Variants in CAST observed in about 807,000 individuals in gnomAD.
CAST encodes the protein calpastatin.
Under a neutral mutation model 119.6 loss-of-function variants are expected in CAST, and 76 were observed. The observed-to-expected ratio is 0.64, with a 90% confidence interval of 0.53 to 0.77. The LOEUF (loss-of-function observed/expected upper bound fraction) is 0.77. Ranked by LOEUF, CAST falls within the 30% of genes least tolerant of loss-of-function variation. CAST has a pLI of 0.00. For missense variants in CAST, 953 were observed against 946.5 expected (o/e 1.01, Z -0.09); for synonymous variants, 319 against 331.6 (o/e 0.96, Z 0.41).
chr5:95,973,532 T>G, the CAST span: 2 of 152,228 alleles, frequency 1.3e-5, no homozygotes, highest in Non-Finnish European at 2.9e-5. Flanking sequence ...GTGAGATACG[T>G]GTCTGGGGTG....
Position 96,730,771 on chromosome 5 carries a change from C to G in CAST, c.550-9C>G. The G allele has an allele frequency of 6.2e-7, 1 of 1,606,786 alleles. No homozygotes were observed. Among genetic ancestry groups the G allele is most frequent in the Non-Finnish European group, 8.5e-7 (1 of 1,173,244 alleles). ...TAGCTCTGTCAACCTTTTATCCTCA[C>G]TGTCTTAGACTAAACCACAAGACAT... On this transcript the variant is annotated splice_polypyrimidine_tract_variant and intron_variant, in intron 8 of 31. Coordinates refer to ENST00000675179, the MANE Select transcript of CAST (RefSeq NM_001750.7).
At chr5:96,697,301 T>C (rs1332498237) in intron 3 of CAST, among the ~76,000 whole-genome samples, 2 of 152,224 alleles carry the variant, frequency 1.3e-5, no homozygotes, top group Non-Finnish European at 2.9e-5. Context: ...GCTTTTTTTT[T>C]TCTTTAAAAC....
the CAST span, among the ~76,000 whole-genome samples, chr5:96,082,604 A>C: frequency 6.6e-6 from 1 of 152,348 alleles, no homozygotes; most frequent in East Asian, 1.9e-4. Context: ...TACTGCTTCC[A>C]AAATGAAAAG....
At chr5:96,323,581 C>T in the CAST span, among the ~76,000 whole-genome samples, 1 of 152,040 alleles carries the variant, frequency 6.6e-6, no homozygotes, top group Non-Finnish European at 1.5e-5. Context: ...CCATATTTTT[C>T]TTTTTAATTT....
chr5:96,617,402 C>A (rs1286527996), intron 1 of CAST, among the ~76,000 whole-genome samples: 2 of 152,042 alleles, frequency 1.3e-5, no homozygotes, highest in African/African-American at 4.8e-5. Flanking sequence ...TACTAAAGGA[C>A]AAGCTAAAAA....
the CAST span, among the ~76,000 whole-genome samples, chr5:96,467,670 A>T: frequency 6.6e-6 from 1 of 152,020 alleles, no homozygotes; most frequent in Admixed American, 6.6e-5. Context: ...GTATCTTTTT[A>T]AAAAATCTGT....
chr5:96,479,415 A>G, the CAST span, among the ~76,000 whole-genome samples: 2 of 151,860 alleles, frequency 1.3e-5, no homozygotes, highest in Admixed American at 6.6e-5. Flanking sequence ...CATTCAAAAA[A>G]TATCTAGTGA....
chr5:96,559,296 T>A (rs1002859165), intron 1 of CAST, among the ~76,000 whole-genome samples: 6 of 152,022 alleles, frequency 3.9e-5, no homozygotes, highest in South Asian at 4.1e-4. Flanking sequence ...GAAAACTGGC[T>A]AAAGACAGGG....
At chr5:96,145,123 C>T in the CAST span, among the ~76,000 whole-genome samples, 1 of 152,170 alleles carries the variant, frequency 6.6e-6, no homozygotes, top group Non-Finnish European at 1.5e-5. Flanking sequence ...GAACATCAAC[C>T]TGCCCAAGCT....
the CAST span, chr5:96,412,929 A>G: frequency 1.0e-6 from 1 of 957,112 alleles, no homozygotes. Context: ...ACCAGCTTTC[A>G]GAAAGACCCT....
chr5:96,616,338 GC>G (rs1747455015), intron 1 of CAST, among the ~76,000 whole-genome samples: 1 of 152,092 alleles, frequency 6.6e-6, no homozygotes, highest in South Asian at 2.1e-4. Flanking sequence ...TCCTAAGGGA[GC>G]CCCTCCCTTA....
the CAST span, among the ~76,000 whole-genome samples, chr5:96,359,659 C>T: frequency 6.6e-6 from 1 of 152,246 alleles, no homozygotes; most frequent in Non-Finnish European, 1.5e-5. Flanking sequence ...TGAATATTGG[C>T]CCCCATTCTA....
the CAST span, among the ~76,000 whole-genome samples, chr5:96,033,057 A>C: frequency 6.6e-6 from 1 of 152,130 alleles, no homozygotes; most frequent in South Asian, 2.1e-4. Context: ...GAAATGAAGA[A>C]AACTATCCCA....
At chr5:96,188,199 A>G in the CAST span, among the ~76,000 whole-genome samples, 8 of 152,204 alleles carry the variant, frequency 5.3e-5, no homozygotes, top group African/African-American at 1.7e-4. Flanking sequence ...CTATAGAAAG[A>G]TTAGTTTATA....
the CAST span, among the ~76,000 whole-genome samples, chr5:96,072,541 A>T: frequency 3.9e-5 from 6 of 152,202 alleles, no homozygotes; most frequent in Admixed American, 2.0e-4. Context: ...TGTCTCTTTA[A>T]ACTCTGTTTT....
intron 1 of CAST, among the ~76,000 whole-genome samples, chr5:96,643,717 A>G (rs1222916955): frequency 6.6e-6 from 1 of 152,102 alleles, no homozygotes; most frequent in East Asian, 1.9e-4. Flanking sequence ...TACTAAAAAT[A>G]TAAAAATTAG....
At chr5:96,412,262 C>T in the CAST span, 1 of 735,542 alleles carries the variant, frequency 1.4e-6, no homozygotes, top group Non-Finnish European at 2.0e-6. Context: ...CTTTCCTTCT[C>T]CTCATATCCA....
At chr5:96,577,060 A>G (rs1195000631) in intron 1 of CAST, among the ~76,000 whole-genome samples, 2 of 152,054 alleles carry the variant, frequency 1.3e-5, no homozygotes, top group African/African-American at 4.8e-5. Context: ...CTTAGCTCCC[A>G]CTTACAAGTG....
chr5:96,538,077 A>G (rs1392141554), intron 1 of CAST, among the ~76,000 whole-genome samples: 2 of 151,970 alleles, frequency 1.3e-5, no homozygotes, highest in East Asian at 1.9e-4. Context: ...AGAGCATGCA[A>G]TCTACACACA....
Sources: allele counts gnomAD v4.1 joint callset (sites outside exome capture counted in the v4.1 genomes callset), GRCh38; gene constraint gnomAD v4.1.1; transcripts MANE v1.5; gene names NCBI Gene and HGNC (gene_info 2026-07-23, HGNC 2026-07-21).